ARHGAP25: variants seen among roughly 807,000 people sequenced by gnomAD.
ARHGAP25 encodes the protein Rho GTPase activating protein 25.
ARHGAP25 carries 34 observed loss-of-function variants against 71.0 expected under a neutral mutation model. The ratio of observed to expected loss-of-function variants is 0.48; its 90% CI spans 0.36 to 0.64. ARHGAP25 has a LOEUF of 0.64. Among genes scored for constraint, ARHGAP25 ranks in the 30% least tolerant of loss-of-function variants. The probability of loss-of-function intolerance (pLI) is 0.00; values close to 1 mark genes in which losing one functional copy is unlikely to be tolerated. For synonymous variants in ARHGAP25, 282 were observed against 296.5 expected (o/e 0.95, Z 0.50); for missense variants, 706 against 805.1 (o/e 0.88, Z 1.49).
At chr2:68,775,714 G>A (rs769027742) in intron 2 of ARHGAP25, 44 of 570,870 alleles carry the variant, frequency 7.7e-5, no homozygotes, top group South Asian at 6.1e-4. Context: ...CAAGGGCTCA[G>A]AGAGAGTGGA....
rs140320769 is a variant in ARHGAP25 at position 68,777,398 on chromosome 2, C to A, written c.261+1978C>A. Among the ~76,000 whole-genome samples the A allele has an allele frequency of 3.7e-4, 57 of 152,238 alleles. No homozygotes were observed. In the East Asian group the frequency reaches 7.7e-3, roughly 21 times the overall value. On this transcript the variant is annotated intron_variant, in intron 2 of 10. Transcript: ENST00000409202. Reference sequence around the variant, plus strand: ...TATAAAATTAGACAATACTACCTGGCCTGCATTTGTCACAGGATCAAATGA... The same window carrying A: ...TATAAAATTAGACAATACTACCTGGACTGCATTTGTCACAGGATCAAATGA...
intron 4 of ARHGAP25, 81 bp from the exon 5 acceptor site, chr2:68,807,192 A>G: frequency 2.2e-6 from 3 of 1,394,020 alleles, no homozygotes; most frequent in East Asian, 4.7e-5. Flanking sequence ...CTGTGAAGAC[A>G]CAGGTGACAC....
At position 68,808,074 on chromosome 2, in the gene ARHGAP25, A is replaced by C. The variant is rs117869240; in HGVS notation, c.674+594A>C. 5.3e-5 allele frequency among the ~76,000 whole-genome samples: 8 copies of C among 152,178 alleles called. 1 individual carries two copies. In the East Asian group the frequency reaches 1.5e-3, roughly 29 times the overall value. On this transcript the variant is annotated intron_variant, in intron 5 of 10. Coordinates refer to ENST00000409202, the MANE Select transcript of ARHGAP25 (RefSeq NM_001007231.3). ...CTCCCAGCCCTGTTTGGGGCATATC[A>C]GGCATAGTGACATTTCCTCCCACCA...
At chr2:68,741,272 T>C (rs545193710) in intron 1 of ARHGAP25, among the ~76,000 whole-genome samples, 2 of 152,310 alleles carry the variant, frequency 1.3e-5, no homozygotes, top group African/African-American at 4.8e-5. Context: ...AAAATGAGAA[T>C]GAAGAATGGA....
At position 68,819,581 on chromosome 2, in the gene ARHGAP25, C is replaced by T. The variant is rs1681486329; in HGVS notation, c.1200+262C>T. 4.7e-6 allele frequency: 3 copies of T among 643,230 alleles called. No homozygotes were observed. The South Asian group carries it at 5.2e-5, about 11-fold the overall frequency. 39.8% of individuals were successfully genotyped at this position (643,230 alleles called of 1,614,324 possible). A position where few individuals can be genotyped will look rare whatever the true frequency, so the allele number is the denominator to read the frequency against. On this transcript the variant is annotated intron_variant, in intron 9 of 10. Transcript: ENST00000409202. The stretch of plus-strand genomic sequence containing the variant: ...GAGCAATGAGGTCCTCACTGAAGCC[C>T]ACTCTGAAAGAGAGACTCAAATACA...
At chr2:68,782,711 C>T (rs986910130) in intron 3 of ARHGAP25, among the ~76,000 whole-genome samples, 2 of 152,180 alleles carry the variant, frequency 1.3e-5, no homozygotes, top group Non-Finnish European at 2.9e-5. Context: ...AATGGAACCA[C>T]GTGAAATTGC....
intron 8 of ARHGAP25, among the ~76,000 whole-genome samples, chr2:68,818,877 T>G (rs1469523889): frequency 6.6e-6 from 1 of 152,260 alleles, no homozygotes; most frequent in African/African-American, 2.4e-5. Flanking sequence ...ACTAATCCAG[T>G]GGACTATTGG....
At chr2:68,751,395 A>G (rs1676165786) in intron 1 of ARHGAP25, among the ~76,000 whole-genome samples, 1 of 152,264 alleles carries the variant, frequency 6.6e-6, no homozygotes, top group Admixed American at 6.5e-5. Context: ...AGGTGGAGAT[A>G]CATAGCATGT....
chr2:68,731,424 C>A (rs999607496), upstream of ARHGAP25, among the ~76,000 whole-genome samples: 2 of 151,978 alleles, frequency 1.3e-5, no homozygotes, highest in Admixed American at 6.6e-5. Flanking sequence ...ATGCTGCCGA[C>A]CTCTCTCCCT....
In ARHGAP25 at chr2:68,767,887, T is replaced by G. The variant is rs1365919578; in HGVS notation, c.62-7334T>G. Among the ~76,000 whole-genome samples the G allele has an allele frequency of 6.6e-6, 1 of 152,228 alleles. No individual in the cohort carries two copies. The highest frequency in any genetic ancestry group is 6.5e-5 in the Admixed American group (1 of 15,282). On this transcript the variant is annotated intron_variant, in intron 1 of 10. Coordinates refer to ENST00000409202, the MANE Select transcript of ARHGAP25 (RefSeq NM_001007231.3). The surrounding 1 kb of genome is among the most constrained non-coding windows in gnomAD (Gnocchi z 4.6). The stretch of plus-strand genomic sequence containing the variant: ...GCAAAATGGGTGGGGCTGAGGCAGC[T>G]GCTTCACATGATAGGTTAGGAGTAG...
chr2:68,781,142 C>A (rs1292484204), intron 2 of ARHGAP25, among the ~76,000 whole-genome samples: 5 of 152,086 alleles, frequency 3.3e-5, no homozygotes, highest in African/African-American at 1.2e-4. Flanking sequence ...AATCCCAGCA[C>A]TTTGGGAGGC....
In ARHGAP25 at chr2:68,743,558, C is replaced by T. The variant is rs999215072; in HGVS notation, c.61+8298C>T. On this transcript the variant is annotated intron_variant, in intron 1 of 10. Transcript: ENST00000409202. ...CTGTCATTCTGCATTTGATTCCATG[C>T]ACCTGGTCATTCAGAAGCCAGAAAT... Among the ~76,000 whole-genome samples the T allele has an allele frequency of 2.6e-5, 4 of 152,172 alleles. 1 individual carries two copies. Among genetic ancestry groups the T allele is most frequent in the Non-Finnish European group, 5.9e-5 (4 of 68,042 alleles).
chr2:68,760,863 CAAA>C (rs749565883), intron 1 of ARHGAP25, among the ~76,000 whole-genome samples: 2 of 54,532 alleles, frequency 3.7e-5, no homozygotes, highest in Admixed American at 1.8e-4. Flanking sequence ...TCCTGAATAG[CAAA>C]AAAAAAAAAA....
intron 1 of ARHGAP25, 174 bp downstream of exon 1, chr2:68,735,434 G>C: frequency 1.5e-6 from 1 of 663,684 alleles, no homozygotes; most frequent in Non-Finnish European, 2.7e-6. Context: ...TAAAATGCTG[G>C]GAGGGGGTTC....
intron 4 of ARHGAP25, among the ~76,000 whole-genome samples, chr2:68,789,008 T>C (rs1038218426): frequency 6.6e-6 from 1 of 152,160 alleles, no homozygotes; most frequent in Non-Finnish European, 1.5e-5. Context: ...GCTTAAGCAT[T>C]TTCCCCAAGT....
intron 1 of ARHGAP25, among the ~76,000 whole-genome samples, chr2:68,756,787 G>A (rs1381540778): frequency 6.6e-6 from 1 of 152,082 alleles, no homozygotes. Context: ...AAAACGTATG[G>A]CCCACTCAAA....
In ARHGAP25 at chr2:68,775,264, C is replaced by T. The variant is rs1210425485; in HGVS notation, c.105C>T (p.Phe35=). The change falls in exon 2 of 11, where the codon TTC becomes TTT. Residue 35 remains phenylalanine (F), a synonymous_variant. Transcript: ENST00000409202. ...SVMTGEQMAA[F]HPSSTPNPLE... is the part of the protein sequence containing the mutation. ...TGACTGGCGAGCAGATGGCTGCCTT[C>T]CATCCATCGTCCACCCCCAACCCGC... 1.2e-6 allele frequency: 2 copies of T among 1,614,262 alleles called. No individual in the cohort carries two copies. Among genetic ancestry groups the T allele is most frequent in the East Asian group, 2.2e-5 (1 of 44,884 alleles).
chr2:68,777,296 G>A (rs1000054264), intron 2 of ARHGAP25, among the ~76,000 whole-genome samples: 3 of 152,108 alleles, frequency 2.0e-5, no homozygotes, highest in East Asian at 1.9e-4. Flanking sequence ...TTATATAAAA[G>A]GATGTGTTCT....
chr2:68,784,923 C>T (rs775296835), intron 3 of ARHGAP25, among the ~76,000 whole-genome samples: 1 of 152,086 alleles, frequency 6.6e-6, no homozygotes. Flanking sequence ...TGAACAGAGC[C>T]GGCAGAGTTT....
Sources: allele counts gnomAD v4.1 joint callset (sites outside exome capture counted in the v4.1 genomes callset), GRCh38; gene constraint gnomAD v4.1.1; non-coding constraint Gnocchi (gnomAD v3.1); transcripts MANE v1.5; gene names NCBI Gene and HGNC (gene_info 2026-07-23, HGNC 2026-07-21).